ASAP2: variants seen among roughly 807,000 people sequenced by gnomAD.
ASAP2 encodes the protein ArfGAP with SH3 domain, ankyrin repeat and PH domain 2.
In ASAP2, 45 loss-of-function variants were observed where a neutral mutation model predicts 131.4. That is an observed-to-expected ratio of 0.34 (90% CI 0.27 to 0.44). The LOEUF is 0.44. ASAP2 is among the 20% of genes least tolerant of loss of function. ASAP2 has a pLI of 1.00. For missense variants in ASAP2, 1,011 were observed against 1,297.0 expected (o/e 0.78, Z 3.39); for synonymous variants, 510 against 503.0 (o/e 1.01, Z -0.19).
chr2:9,238,326 G>A (rs939655664), intron 1 of ASAP2, among the ~76,000 whole-genome samples: 2 of 152,212 alleles, frequency 1.3e-5, no homozygotes, highest in African/African-American at 2.4e-5. Context: ...TTCCCCATCT[G>A]TAACACCAGA....
chr2:9,266,313 AT>A (rs1045823377), intron 1 of ASAP2, among the ~76,000 whole-genome samples: 2 of 151,794 alleles, frequency 1.3e-5, no homozygotes, highest in Non-Finnish European at 2.9e-5. Flanking sequence ...CACCCGGCTA[AT>A]TTTTTTACTT....
intron 1 of ASAP2, among the ~76,000 whole-genome samples, chr2:9,234,126 A>G (rs1026347599): frequency 9.3e-5 from 14 of 151,014 alleles, no homozygotes; most frequent in Non-Finnish European, 1.9e-4. Context: ...AAAAAAAAAA[A>G]AAAAAGGAAG....
intron 2 of ASAP2, among the ~76,000 whole-genome samples, chr2:9,282,190 C>T (rs1667170464): frequency 1.3e-5 from 2 of 152,138 alleles, no homozygotes; most frequent in African/African-American, 4.8e-5. Flanking sequence ...GGCATGTGAC[C>T]TTGGAGGGGG....
chr2:9,284,414 C>A (rs1446237832), intron 2 of ASAP2, among the ~76,000 whole-genome samples: 1 of 152,108 alleles, frequency 6.6e-6, no homozygotes, highest in Non-Finnish European at 1.5e-5. Flanking sequence ...GGTGAAAGAC[C>A]AATTCTGGGA....
At chr2:9,303,417 A>G (rs1161820271) in intron 3 of ASAP2, among the ~76,000 whole-genome samples, 2 of 152,252 alleles carry the variant, frequency 1.3e-5, no homozygotes, top group South Asian at 2.1e-4. Flanking sequence ...CGATGCTGCG[A>G]GCTGAAGAGC....
chr2:9,320,281 T>C lies in ASAP2; in HGVS notation c.421-7T>C. On this transcript the variant is annotated splice_polypyrimidine_tract_variant and splice_region_variant and intron_variant, in intron 4 of 27. Coordinates refer to ENST00000281419, the MANE Select transcript of ASAP2 (RefSeq NM_003887.3). ...GTCTTGCCTAATTTATTATTCTTTG[T>C]TTACAGGATCTGAAAAAGCCTTTTG... 6.2e-7 allele frequency: 1 copy of C among 1,607,978 alleles called. No homozygotes were observed. The highest frequency in any genetic ancestry group is 8.5e-7 in the Non-Finnish European group (1 of 1,175,814).
At chr2:9,339,951 CACTTT>C (rs932562849) in intron 9 of ASAP2, among the ~76,000 whole-genome samples, 46 of 152,170 alleles carry the variant, frequency 3.0e-4, no homozygotes, top group African/African-American at 1.1e-3. Flanking sequence ...GTTTTCCAGG[CACTTT>C]ACAAGTGTGG....
rs543442294 is a variant in ASAP2, at chr2:9,232,286, C to T, written c.126+25056C>T. Among the ~76,000 whole-genome samples the T allele has an allele frequency of 5.3e-5, 8 of 152,286 alleles. 1 individual carries two copies. The South Asian group carries it at 1.7e-3, about 32-fold the overall frequency. ...CGCCCGATCCTTTTACACAGGTGGT[C>T]CCTCTGTTTGTAGAGTCGCCCTGCT... is the stretch of plus-strand genomic sequence containing the variant. On this transcript the variant is annotated intron_variant, in intron 1 of 27. Coordinates refer to ENST00000281419, the MANE Select transcript of ASAP2 (RefSeq NM_003887.3). The surrounding 1 kb of genome is among the most constrained non-coding windows in gnomAD (Gnocchi z 4.1).
At position 9,388,363 on chromosome 2, in the gene ASAP2, A is replaced by G; in HGVS notation, c.2200A>G (p.Asn734Asp). The stretch of plus-strand genomic sequence containing the variant: ...GCTGGGCTCCAACCAGCTTCAGTCT[A>G]ACGCTGTATCTTTGGCCAGAGATGC... ...YQLGSNQLQS[N>D]AVSLARDAAN... is the part of the protein sequence containing the mutation. The change falls in exon 22 of 28, where the codon AAC (asparagine) becomes GAC (aspartate). Residue 734 changes from asparagine (N) to aspartate (D), a missense_variant. Transcript: ENST00000281419. The G allele has an allele frequency of 6.2e-7, 1 of 1,614,130 alleles. No homozygotes were observed. The highest frequency in any genetic ancestry group is 1.1e-5 in the South Asian group (1 of 91,070).
At chr2:9,270,814 A>T (rs1261639711) in intron 1 of ASAP2, among the ~76,000 whole-genome samples, 1 of 57,496 alleles carries the variant, frequency 1.7e-5, no homozygotes, top group Admixed American at 2.4e-4. Context: ...TTTTTTTGAG[A>T]CGGAGTCTCG....
At chr2:9,379,702 T>C (rs1304460710) in intron 19 of ASAP2, among the ~76,000 whole-genome samples, 1 of 152,142 alleles carries the variant, frequency 6.6e-6, no homozygotes, top group Non-Finnish European at 1.5e-5. Flanking sequence ...GTGCTTATCA[T>C]TAAAAAACTA....
At chr2:9,259,294 C>A (rs369839541) in intron 1 of ASAP2, among the ~76,000 whole-genome samples, 185 of 152,352 alleles carry the variant, frequency 1.2e-3, no homozygotes, top group African/African-American at 4.4e-3. Flanking sequence ...CCTTTGCTGA[C>A]CCTAGCAGCA....
At chr2:9,356,975 G>T (rs1672753273) in intron 14 of ASAP2, among the ~76,000 whole-genome samples, 1 of 151,948 alleles carries the variant, frequency 6.6e-6, no homozygotes, top group Non-Finnish European at 1.5e-5. Flanking sequence ...TGGGGGTCGG[G>T]GACTACACAG....
At chr2:9,226,091 G>A (rs927428345) in intron 1 of ASAP2, among the ~76,000 whole-genome samples, 2 of 152,220 alleles carry the variant, frequency 1.3e-5, no homozygotes, top group African/African-American at 4.8e-5. Flanking sequence ...CCTCATGCGA[G>A]CTAGTCTCAC....
chr2:9,382,859 G>C (rs895333276), intron 20 of ASAP2, among the ~76,000 whole-genome samples: 2 of 152,206 alleles, frequency 1.3e-5, no homozygotes, highest in African/African-American at 4.8e-5. Context: ...CTGCTGCATA[G>C]ATTAAACCCA....
intron 1 of ASAP2, among the ~76,000 whole-genome samples, chr2:9,237,254 A>G (rs1014114655): frequency 6.6e-6 from 1 of 152,186 alleles, no homozygotes; most frequent in African/African-American, 2.4e-5. Flanking sequence ...AAAAGTGAAA[A>G]TGGAAAAGTT....
At chr2:9,215,566 A>C (rs570166839) in intron 1 of ASAP2, among the ~76,000 whole-genome samples, 1 of 152,120 alleles carries the variant, frequency 6.6e-6, no homozygotes, top group Non-Finnish European at 1.5e-5. Flanking sequence ...GTTAGACCCT[A>C]ATGAAAATAC....
intron 2 of ASAP2, among the ~76,000 whole-genome samples, chr2:9,288,003 C>G (rs11682006): frequency 0.35 from 52,683 of 152,058 alleles, 9,424 homozygotes; most frequent in African/African-American, 0.4. Context: ...GGCCAACCTG[C>G]TGGCCGCATG....
At chr2:9,219,321 A>C (rs1662263054) in intron 1 of ASAP2, among the ~76,000 whole-genome samples, 1 of 152,128 alleles carries the variant, frequency 6.6e-6, no homozygotes, top group African/African-American at 2.4e-5. Context: ...TATGTTGTGG[A>C]GCAGAAAGAC....
Sources: gnomAD v4.1 joint callset for allele counts (sites outside exome capture counted in the v4.1 genomes callset) on GRCh38, gnomAD v4.1.1 for gene constraint, Gnocchi (gnomAD v3.1) non-coding constraint, MANE v1.5 for transcripts, NCBI Gene and HGNC (gene_info 2026-07-23, HGNC 2026-07-21) for gene names.